Variants in CRPPA observed in about 807,000 individuals in gnomAD.
CRPPA encodes D-ribitol-5-phosphate cytidylyltransferase.
In CRPPA, 43 loss-of-function variants were observed where a neutral mutation model predicts 52.0. That is an observed-to-expected ratio of 0.83 (90% CI 0.65 to 1.07). The LOEUF (loss-of-function observed/expected upper bound fraction) is 1.07. CRPPA is among the 50% of genes least tolerant of loss of function. The pLI, the probability that CRPPA is intolerant of heterozygous loss-of-function variation, is 0.00. For missense variants in CRPPA, 629 were observed against 551.7 expected (o/e 1.14, Z -1.40); for synonymous variants, 250 against 203.5 (o/e 1.23, Z -1.94).
chr7:16,321,083 C>T (rs1201199090), intron 3 of CRPPA, among the ~76,000 whole-genome samples: 1 of 152,048 alleles, frequency 6.6e-6, no homozygotes, highest in East Asian at 1.9e-4. Flanking sequence ...ATTTTTCTAG[C>T]CCCACCTAAC....
intron 3 of CRPPA, among the ~76,000 whole-genome samples, chr7:16,340,197 A>C (rs1367031208): frequency 2.6e-5 from 4 of 152,148 alleles, no homozygotes; most frequent in Admixed American, 1.3e-4. Context: ...AGGTATGGCT[A>C]TAACTTTAGG....
intron 3 of CRPPA, among the ~76,000 whole-genome samples, chr7:16,313,887 T>G (rs1280649431): frequency 6.6e-6 from 1 of 152,070 alleles, no homozygotes; most frequent in Non-Finnish European, 1.5e-5. Context: ...ATTTCTGTTC[T>G]TTTAACTTTG....
intron 8 of CRPPA, among the ~76,000 whole-genome samples, chr7:16,226,813 T>C (rs1009833355): frequency 2.6e-5 from 4 of 151,922 alleles, no homozygotes; most frequent in Non-Finnish European, 4.4e-5. Flanking sequence ...AGTTTTGTGG[T>C]AATATTTTAT....
chr7:16,413,331 G>A (rs971627604), intron 1 of CRPPA, among the ~76,000 whole-genome samples: 2 of 152,066 alleles, frequency 1.3e-5, no homozygotes, highest in Non-Finnish European at 2.9e-5. Flanking sequence ...TGTTCCATGC[G>A]GTCCTTTGGA....
At chr7:16,303,499 A>AAAAAAAAAAAAAAAAAC (rs1562619571) in intron 4 of CRPPA, among the ~76,000 whole-genome samples, 1 of 148,368 alleles carries the variant, frequency 6.7e-6, no homozygotes, top group African/African-American at 2.5e-5. Flanking sequence ...AAAAAAAAAA[A>AAAAAAAAAAAAAAAAAC]AAAACTTTCA....
At chr7:16,249,593 T>G (rs1243996242) in intron 8 of CRPPA, among the ~76,000 whole-genome samples, 1 of 152,190 alleles carries the variant, frequency 6.6e-6, no homozygotes, top group African/African-American at 2.4e-5. Context: ...AAACAAGGTC[T>G]GAAGTGGACT....
At chr7:16,402,966 A>G (rs1190659941) in intron 2 of CRPPA, among the ~76,000 whole-genome samples, 2 of 152,228 alleles carry the variant, frequency 1.3e-5, no homozygotes, top group African/African-American at 2.4e-5. Flanking sequence ...GAAAAAGTCT[A>G]TACAGACACA....
chr7:16,173,238 T>C (rs1018904961), intron 9 of CRPPA, among the ~76,000 whole-genome samples: 5 of 152,204 alleles, frequency 3.3e-5, no homozygotes, highest in Admixed American at 3.3e-4. Context: ...AGTAAATTCA[T>C]TAATCAAGTG....
At chr7:16,292,270 GAC>G (rs1273729174) in intron 5 of CRPPA, among the ~76,000 whole-genome samples, 1 of 151,874 alleles carries the variant, frequency 6.6e-6, no homozygotes, top group Non-Finnish European at 1.5e-5. Context: ...AAATACCAAA[GAC>G]AATTAGTATT....
At chr7:16,331,200 C>T (rs991740570) in intron 3 of CRPPA, among the ~76,000 whole-genome samples, 10 of 152,152 alleles carry the variant, frequency 6.6e-5, no homozygotes, top group South Asian at 6.2e-4. Flanking sequence ...GGGGTTTCAC[C>T]GTGTTAGCCA....
intron 1 of CRPPA, among the ~76,000 whole-genome samples, chr7:16,415,348 T>A (rs115297233): frequency 0.019 from 2,922 of 152,286 alleles, 88 homozygotes; most frequent in African/African-American, 0.067. Context: ...GTCATCTATC[T>A]CAGGCACTAA....
At chr7:16,283,650 G>T (rs10275672) in intron 5 of CRPPA, among the ~76,000 whole-genome samples, 115,147 of 151,288 alleles carry the variant, frequency 0.76, 44,032 homozygotes, top group Admixed American at 0.8. Flanking sequence ...TTTTCCAGTT[G>T]TCTTTAATCT....
At chr7:16,379,915 T>C (rs1468987504) in intron 2 of CRPPA, among the ~76,000 whole-genome samples, 2 of 152,192 alleles carry the variant, frequency 1.3e-5, no homozygotes, top group African/African-American at 2.4e-5. Flanking sequence ...TTTCTAGATA[T>C]ACAATCATGT....
intron 3 of CRPPA, among the ~76,000 whole-genome samples, chr7:16,332,638 TG>T (rs1259056213): frequency 6.6e-6 from 1 of 151,962 alleles, no homozygotes; most frequent in Non-Finnish European, 1.5e-5. Flanking sequence ...AAGAATGTAA[TG>T]GGGGAAAGCT....
chr7:16,278,171 A>C lies in CRPPA; in HGVS notation c.891T>G (p.His297Gln). The change falls in exon 6 of 10, where the codon CAT (histidine) becomes CAG (glutamine). Residue 297 changes from histidine to glutamine, a missense_variant. Coordinates refer to ENST00000407010, the MANE Select transcript of CRPPA (RefSeq NM_001101426.4). ...VVMDTEEDNKHVGHLLEEVLK... is the reference protein window; with the variant it reads ...VVMDTEEDNKQVGHLLEEVLK... ...GCACTTCTTCAAGAAGATGACCTAC[A>C]TGTTTGTTATCTTCTTCTGTATCCA... 6.3e-7 allele frequency: 1 copy of C among 1,580,272 alleles called. No individual in the cohort carries two copies. The highest frequency in any genetic ancestry group is 8.7e-7 in the Non-Finnish European group (1 of 1,155,626).
intron 5 of CRPPA, among the ~76,000 whole-genome samples, chr7:16,290,881 T>G (rs1784550470): frequency 6.6e-6 from 1 of 151,896 alleles, no homozygotes; most frequent in Admixed American, 6.6e-5. Flanking sequence ...ATTTGCAAAC[T>G]TTCATTCAAC....
chr7:16,241,402 A>G (rs1198662201), intron 8 of CRPPA, among the ~76,000 whole-genome samples: 1 of 152,156 alleles, frequency 6.6e-6, no homozygotes, highest in East Asian at 1.9e-4. Flanking sequence ...TAACTCTCAT[A>G]AAACACCAAT....
At chr7:16,418,863 G>A (rs1362285782) in intron 1 of CRPPA, among the ~76,000 whole-genome samples, 1 of 152,150 alleles carries the variant, frequency 6.6e-6, no homozygotes, top group African/African-American at 2.4e-5. Context: ...ATCTTAGACT[G>A]CCTCAGAAGA....
chr7:16,243,322 A>G (rs1220583786), intron 8 of CRPPA, among the ~76,000 whole-genome samples: 6 of 152,206 alleles, frequency 3.9e-5, no homozygotes, highest in Non-Finnish European at 7.3e-5. Context: ...TCCTTTGTTT[A>G]CAGGTTGTCC....
Sources: gnomAD v4.1 joint callset for allele counts (sites outside exome capture counted in the v4.1 genomes callset) on GRCh38, gnomAD v4.1.1 for gene constraint, MANE v1.5 for transcripts, NCBI Gene and HGNC (gene_info 2026-07-23, HGNC 2026-07-21) for gene names.